The following TYW1B variants were observed in gnomAD, a reference collection of about 807,000 sequenced individuals.
The protein encoded by TYW1B is S-adenosyl-L-methionine-dependent tRNA 4-demethylwyosine synthase TYW1B.
A neutral mutation model predicts 86.9 loss-of-function variants in TYW1B; 73 were observed. The ratio of observed to expected loss-of-function variants is 0.84; its 90% CI spans 0.70 to 1.02. The LOEUF (loss-of-function observed/expected upper bound fraction) is 1.02. TYW1B is among the 50% of genes least tolerant of loss of function. The pLI is 0.00. For missense variants in TYW1B, 637 were observed against 827.4 expected (o/e 0.77, Z 2.82); for synonymous variants, 248 against 292.8 (o/e 0.85, Z 1.56).
At chr7:72,709,394 C>A (rs1333468430) in intron 10 of TYW1B, among the ~76,000 whole-genome samples, 1 of 152,288 alleles carries the variant, frequency 6.6e-6, no homozygotes, top group East Asian at 1.9e-4. Context: ...CGTGGCCGAG[C>A]GTGGTGGCTC....
At chr7:72,810,196 T>G (rs782026076) in intron 4 of TYW1B, among the ~76,000 whole-genome samples, 1 of 152,160 alleles carries the variant, frequency 6.6e-6, no homozygotes, top group Non-Finnish European at 1.5e-5. Context: ...GAGAATCACT[T>G]GAACCCGGGA....
chr7:72,705,734 G>A (rs1294066208), intron 10 of TYW1B, among the ~76,000 whole-genome samples: 5 of 152,124 alleles, frequency 3.3e-5, no homozygotes, highest in African/African-American at 1.2e-4. Flanking sequence ...TGCTGTTACA[G>A]GATTCAAATG....
chr7:72,720,797 G>A (rs1342144509), intron 9 of TYW1B, among the ~76,000 whole-genome samples: 34 of 152,082 alleles, frequency 2.2e-4, no homozygotes, highest in African/African-American at 7.7e-4. Flanking sequence ...TGTGAGCAAT[G>A]TGCAGGTTTG....
intron 9 of TYW1B, among the ~76,000 whole-genome samples, chr7:72,722,074 A>T (rs1235149768): frequency 1.3e-5 from 2 of 152,322 alleles, no homozygotes; most frequent in East Asian, 3.9e-4. Context: ...ACCTGTCCTG[A>T]CTAAAAGTCA....
At chr7:72,577,390 C>A (rs1811046823) in intron 13 of TYW1B, among the ~76,000 whole-genome samples, 2 of 152,096 alleles carry the variant, frequency 1.3e-5, no homozygotes. Flanking sequence ...GGAAATGGTG[C>A]CTCAAGGGCC....
In TYW1B at chr7:72,811,846, A is replaced by G. The variant is rs570149705; in HGVS notation, c.238-1181T>C. 1.1e-4 allele frequency among the ~76,000 whole-genome samples: 17 copies of G among 150,064 alleles called. No individual in the cohort carries two copies. The South Asian group carries it at 2.3e-3, about 21-fold the overall frequency. ...AAAACTGCTTTAGCCCAGGAGGCAG[A>G]GGCTGCAGTGGGCCACAATCACACC... On this transcript the variant is annotated intron_variant, in intron 3 of 13. Transcript: ENST00000620995.
chr7:72,756,454 C>T lies in TYW1B; in HGVS notation c.965-11853G>A, dbSNP rs186137113. On this transcript the variant is annotated intron_variant, in intron 7 of 13. Transcript: ENST00000620995. ...TTCACCACATTGGTGAGGCTGGTCTCGAACTCCTGACCTCAGGTGATCTGC... is the reference window on the plus strand; with the variant it reads ...TTCACCACATTGGTGAGGCTGGTCTTGAACTCCTGACCTCAGGTGATCTGC... 2.1e-3 allele frequency among the ~76,000 whole-genome samples: 316 copies of T among 151,880 alleles called. 2 individuals are homozygous for T. The highest frequency in any genetic ancestry group is 7.3e-3 in the African/African-American group (303 of 41,428).
intron 11 of TYW1B, among the ~76,000 whole-genome samples, chr7:72,686,212 T>G (rs1198521697): frequency 2.0e-5 from 3 of 152,154 alleles, no homozygotes; most frequent in Admixed American, 1.3e-4. Flanking sequence ...TTCTTTGGTG[T>G]TTACTCCAAG....
chr7:72,681,478 G>A (rs1469199801), intron 11 of TYW1B, among the ~76,000 whole-genome samples: 1 of 152,008 alleles, frequency 6.6e-6, no homozygotes, highest in Non-Finnish European at 1.5e-5. Context: ...GGAGGGGAGG[G>A]AAGGAGTTAG....
At chr7:72,775,565 T>C (rs1424742404) in intron 7 of TYW1B, among the ~76,000 whole-genome samples, 4 of 152,066 alleles carry the variant, frequency 2.6e-5, no homozygotes, top group African/African-American at 4.8e-5. Flanking sequence ...TACAATTCTA[T>C]ATCCAGCAAA....
At chr7:72,711,190 C>T (rs1198164078) in intron 10 of TYW1B, among the ~76,000 whole-genome samples, 1 of 152,114 alleles carries the variant, frequency 6.6e-6, no homozygotes, top group African/African-American at 2.4e-5. Flanking sequence ...CATTCAGGTG[C>T]ACTAAGATAG....
At chr7:72,579,887 GTGATCCTCCCACCT>G (rs546235452) in intron 13 of TYW1B, among the ~76,000 whole-genome samples, 218 of 152,238 alleles carry the variant, frequency 1.4e-3, no homozygotes, top group Middle Eastern at 3.4e-3. Flanking sequence ...CTGGCCTCAA[GTGATCCTCCCACCT>G]TGATCTCCCA....
chr7:72,764,913 C>T (rs1457403930), intron 7 of TYW1B, among the ~76,000 whole-genome samples: 136 of 152,150 alleles, frequency 8.9e-4, no homozygotes, highest in African/African-American at 2.9e-3. Context: ...GTAAAGTATA[C>T]TTTTGTGAAC....
At chr7:72,597,375 A>G (rs1811561340) in intron 13 of TYW1B, among the ~76,000 whole-genome samples, 1 of 152,242 alleles carries the variant, frequency 6.6e-6, no homozygotes. Flanking sequence ...AAAAAGAGGT[A>G]GAGTAAAATA....
intron 11 of TYW1B, among the ~76,000 whole-genome samples, chr7:72,632,259 C>CA (rs1167947193): frequency 2.4e-5 from 2 of 83,014 alleles, no homozygotes; most frequent in African/African-American, 1.3e-4. Flanking sequence ...ACCCTGTCTC[C>CA]AAAAAATATA....
chr7:72,597,771 T>G (rs1369004727), intron 13 of TYW1B, among the ~76,000 whole-genome samples: 1 of 152,004 alleles, frequency 6.6e-6, no homozygotes, highest in Admixed American at 6.6e-5. Flanking sequence ...AAATACACAT[T>G]ACAAAAAATG....
At chr7:72,816,320 G>A (rs1180429658) in intron 2 of TYW1B, among the ~76,000 whole-genome samples, 2 of 152,150 alleles carry the variant, frequency 1.3e-5, no homozygotes, top group Non-Finnish European at 2.9e-5. Flanking sequence ...AGGTTGCAGT[G>A]AGCCAAGATT....
At chr7:72,742,376 C>T (rs1320635235) in intron 8 of TYW1B, among the ~76,000 whole-genome samples, 3 of 152,218 alleles carry the variant, frequency 2.0e-5, no homozygotes, top group Non-Finnish European at 4.4e-5. Flanking sequence ...GTGCTCCACC[C>T]ACCCTGGCGT....
intron 12 of TYW1B, among the ~76,000 whole-genome samples, chr7:72,622,612 C>T (rs185235274): frequency 2.0e-5 from 3 of 152,098 alleles, no homozygotes; most frequent in East Asian, 1.9e-4. Context: ...CACGCACACA[C>T]GGACACACAC....
Sources: gnomAD v4.1 joint callset for allele counts (sites outside exome capture counted in the v4.1 genomes callset) on GRCh38, gnomAD v4.1.1 for gene constraint, MANE v1.5 for transcripts, NCBI Gene and HGNC (gene_info 2026-07-23, HGNC 2026-07-21) for gene names.